The following REEP3 variants were observed in gnomAD, a reference collection of about 807,000 sequenced individuals.
REEP3 encodes the protein receptor expression-enhancing protein 3.
REEP3 carries 20 observed loss-of-function variants against 41.3 expected under a neutral mutation model. That is an observed-to-expected ratio of 0.48 (90% CI 0.34 to 0.70). The LOEUF (loss-of-function observed/expected upper bound fraction) is 0.70, where lower values mean the gene tolerates loss of function less well. REEP3 is among the 30% of genes least tolerant of loss of function. The pLI, the probability that REEP3 is intolerant of heterozygous loss-of-function variation, is 0.01. For synonymous variants in REEP3, 104 were observed against 101.8 expected (o/e 1.02, Z -0.13); for missense variants, 271 against 308.8 (o/e 0.88, Z 0.92).
chr10:63,610,845 C>T lies in REEP3; in HGVS notation c.565+511C>T, dbSNP rs1003758941. 7.2e-5 allele frequency among the ~76,000 whole-genome samples: 11 copies of T among 152,144 alleles called. 1 individual carries two copies. The South Asian group carries it at 1.0e-3, about 14-fold the overall frequency. On this transcript the variant is annotated intron_variant, in intron 6 of 7. Coordinates refer to ENST00000373758, the MANE Select transcript of REEP3 (RefSeq NM_001001330.3). Reference sequence around the variant, plus strand: ...CAGCACTTTGGGAGGCCGAGGTGGGCGGATCACGAGGTTAGGAGTTCACGA... The same window carrying T: ...CAGCACTTTGGGAGGCCGAGGTGGGTGGATCACGAGGTTAGGAGTTCACGA...
At chr10:63,547,895 T>C (rs1675792275) in intron 1 of REEP3, among the ~76,000 whole-genome samples, 1 of 152,146 alleles carries the variant, frequency 6.6e-6, no homozygotes, top group Non-Finnish European at 1.5e-5. Context: ...CACTAACAAC[T>C]CATATTTTAA....
intron 2 of REEP3, among the ~76,000 whole-genome samples, chr10:63,589,389 A>G (rs1956036616): frequency 2.0e-5 from 3 of 152,080 alleles, no homozygotes; most frequent in East Asian, 1.9e-4. Flanking sequence ...GGCCCAGGAG[A>G]CTGGTCTATA....
intron 3 of REEP3, among the ~76,000 whole-genome samples, chr10:63,597,288 G>A (rs748119226): frequency 6.6e-5 from 10 of 152,188 alleles, no homozygotes; most frequent in East Asian, 1.9e-4. Context: ...AGATGAAGAC[G>A]TGTGTGTATG....
Position 63,621,060 on chromosome 10 carries a change from G to A in REEP3, c.*191G>A. ...TTCCAAATATTGACTACTAAAGGCA[G>A]TTCTGCAAGATGTACTAAATATGTA... On this transcript the variant is annotated 3_prime_UTR_variant, in exon 8 of 8. Transcript: ENST00000373758. 1 of 459,880 alleles carries A rather than the reference G, an allele frequency of 2.2e-6. No individual in the cohort carries two copies. Among genetic ancestry groups the A allele is most frequent in the South Asian group, 3.7e-5 (1 of 27,210 alleles). The allele number at this position is 459,880 out of a possible 1,614,324, so 28.5% of individuals were successfully genotyped here.
chr10:63,618,026 A>C (rs559069980), intron 6 of REEP3, among the ~76,000 whole-genome samples: 1 of 151,112 alleles, frequency 6.6e-6, no homozygotes, highest in Non-Finnish European at 1.5e-5. Context: ...GTGTTTCACC[A>C]TGTTGGCCAG....
At chr10:63,561,881 T>C (rs765602424) in intron 1 of REEP3, among the ~76,000 whole-genome samples, 7 of 152,196 alleles carry the variant, frequency 4.6e-5, no homozygotes, top group Non-Finnish European at 8.8e-5. Context: ...AATGTAAATC[T>C]GATGATACTA....
At chr10:63,556,777 A>C (rs1955690741) in intron 1 of REEP3, among the ~76,000 whole-genome samples, 1 of 147,418 alleles carries the variant, frequency 6.8e-6, no homozygotes, top group Admixed American at 6.7e-5. Context: ...CTGGGACTAC[A>C]GGCGCCCGCC....
At chr10:63,534,249 TA>T (rs1339247046) in intron 1 of REEP3, among the ~76,000 whole-genome samples, 32 of 151,520 alleles carry the variant, frequency 2.1e-4, no homozygotes, top group Admixed American at 7.3e-4. Flanking sequence ...TATTATTTTT[TA>T]TTTTTTTTTT....
rs1238077478 is a variant in REEP3, at chr10:63,545,801, G to A, written c.33-20537G>A. On this transcript the variant is annotated intron_variant, in intron 1 of 7. Transcript: ENST00000373758. ...CTCCGGGGTTCGAGTGATTCTTACA[G>A]GCGTAAGCCACTGCGCCCAGCCTCA... Among the ~76,000 whole-genome samples, 4 of 149,630 alleles carry A rather than the reference G, an allele frequency of 2.7e-5. No individual in the cohort carries two copies. In the Admixed American group the frequency reaches 2.8e-4, roughly 10 times the overall value.
intron 6 of REEP3, among the ~76,000 whole-genome samples, chr10:63,613,097 C>T (rs904907652): frequency 2.0e-5 from 3 of 152,062 alleles, no homozygotes; most frequent in Admixed American, 2.0e-4. Context: ...CTGCAACCTC[C>T]GCCTCCCAAG....
intron 2 of REEP3, among the ~76,000 whole-genome samples, chr10:63,588,444 T>TA (rs35392636): frequency 0.43 from 64,902 of 149,984 alleles, 14,654 homozygotes; most frequent in East Asian, 0.59. Flanking sequence ...TCCTTCTCCT[T>TA]AAAAAAAAAA....
At chr10:63,551,704 G>T (rs1589863772) in intron 1 of REEP3, among the ~76,000 whole-genome samples, 1 of 152,192 alleles carries the variant, frequency 6.6e-6, no homozygotes, top group South Asian at 2.1e-4. Context: ...CAAAACTCAG[G>T]CTTGAGAAAC....
chr10:63,546,798 A>G (rs949780282), intron 1 of REEP3, among the ~76,000 whole-genome samples: 2 of 152,238 alleles, frequency 1.3e-5, no homozygotes, highest in Admixed American at 6.5e-5. Context: ...TGCCAATTGG[A>G]TATCCATCAC....
In REEP3 at chr10:63,529,131, C is replaced by T. The variant is rs190449725; in HGVS notation, c.32+7554C>T. 3.9e-5 allele frequency among the ~76,000 whole-genome samples: 6 copies of T among 152,172 alleles called. No homozygotes were observed. The East Asian group carries it at 9.6e-4, about 24-fold the overall frequency. ...TGAATTTGGGGACTGCCTTTTTTTC[C>T]CTCCTCCAGAGCTTATTTCACAATT... On this transcript the variant is annotated intron_variant, in intron 1 of 7. Transcript: ENST00000373758.
chr10:63,617,136 G>A (rs914403004), intron 6 of REEP3, among the ~76,000 whole-genome samples: 1 of 152,066 alleles, frequency 6.6e-6, no homozygotes, highest in Non-Finnish European at 1.5e-5. Context: ...CACTGCCTCT[G>A]TGCATGCTGT....
intron 1 of REEP3, among the ~76,000 whole-genome samples, chr10:63,555,448 A>G (rs538995735): frequency 4.6e-5 from 7 of 152,280 alleles, no homozygotes; most frequent in African/African-American, 1.7e-4. Flanking sequence ...ATCATGCATG[A>G]CCTTTGCTAC....
chr10:63,563,097 A>C (rs766495329), intron 1 of REEP3: 2 of 426,014 alleles, frequency 4.7e-6, no homozygotes, highest in Non-Finnish European at 9.3e-6. Context: ...GAAGACACCA[A>C]ATCTGCCAAC....
intron 1 of REEP3, among the ~76,000 whole-genome samples, chr10:63,528,867 G>A (rs1474723935): frequency 6.6e-6 from 1 of 152,124 alleles, no homozygotes. Context: ...CTTTCTCAGT[G>A]ACCCCAGCAC....
rs973479422 is a variant in REEP3 at position 63,587,918 on chromosome 10, C to T, written c.106-6860C>T. On this transcript the variant is annotated intron_variant, in intron 2 of 7. Transcript: ENST00000373758. ...ATCCATACTTCTCTTGTTTCATTGTCCTAGACTTTTCATACTTGTTTCATT... is the reference window on the plus strand; with the variant it reads ...ATCCATACTTCTCTTGTTTCATTGTTCTAGACTTTTCATACTTGTTTCATT... 5.3e-5 allele frequency among the ~76,000 whole-genome samples: 8 copies of T among 152,182 alleles called. No individual in the cohort carries two copies. In the East Asian group the frequency reaches 1.5e-3, roughly 29 times the overall value.
Sources: allele counts gnomAD v4.1 joint callset (sites outside exome capture counted in the v4.1 genomes callset), GRCh38; gene constraint gnomAD v4.1.1; transcripts MANE v1.5; gene names NCBI Gene and HGNC (gene_info 2026-07-23, HGNC 2026-07-21).